The following GALNT10 variants were observed in gnomAD, a reference collection of about 807,000 sequenced individuals.
GALNT10 encodes GalNAc transferase 10.
GALNT10 carries 41 observed loss-of-function variants against 75.0 expected under a neutral mutation model. The observed-to-expected ratio is 0.55, with a 90% CI of 0.43 to 0.71. GALNT10 has a LOEUF of 0.71. GALNT10 is among the 30% of genes least tolerant of loss of function. The pLI is 0.00. For missense variants in GALNT10, 727 were observed against 818.5 expected, an observed-to-expected ratio of 0.89 and a Z score of 1.36; for synonymous variants, 302 against 313.0, an observed-to-expected ratio of 0.96 and a Z score of 0.37.
intron 1 of GALNT10, among the ~76,000 whole-genome samples, chr5:154,204,648 T>C (rs1222114766): frequency 6.6e-6 from 1 of 152,174 alleles, no homozygotes; most frequent in Non-Finnish European, 1.5e-5. Context: ...GTCCTGCCTG[T>C]AATACTCTTC....
At chr5:154,350,943 G>C (rs1755196880) in intron 4 of GALNT10, among the ~76,000 whole-genome samples, 1 of 152,204 alleles carries the variant, frequency 6.6e-6, no homozygotes, top group Admixed American at 6.5e-5. Flanking sequence ...CCCACTTGTA[G>C]TTTCTGATTC....
Position 154,340,892 on chromosome 5 carries a change from T to C in GALNT10, c.568+11154T>C, listed in dbSNP as rs188671129. Reference sequence around the variant, plus strand: ...AGGCGACAGTTGACAACTCTAAAGATCAAGAAGGCCAAATATACACATTTA... The same window carrying C: ...AGGCGACAGTTGACAACTCTAAAGACCAAGAAGGCCAAATATACACATTTA... On this transcript the variant is annotated intron_variant, in intron 4 of 11. Coordinates refer to ENST00000297107, the MANE Select transcript of GALNT10 (RefSeq NM_198321.4). Among the ~76,000 whole-genome samples the C allele has an allele frequency of 6.6e-5, 10 of 152,348 alleles. No individual in the cohort carries two copies. In the East Asian group the frequency reaches 1.9e-3, roughly 29 times the overall value.
At chr5:154,378,765 G>A (rs1404347716) in intron 5 of GALNT10, among the ~76,000 whole-genome samples, 1 of 152,192 alleles carries the variant, frequency 6.6e-6, no homozygotes, top group Admixed American at 6.5e-5. Flanking sequence ...CCCCAGGTGG[G>A]CACAGTGCCT....
At chr5:154,214,556 A>T (rs1369478745) in intron 1 of GALNT10, among the ~76,000 whole-genome samples, 4 of 151,418 alleles carry the variant, frequency 2.6e-5, no homozygotes, top group African/African-American at 7.3e-5. Flanking sequence ...AAAGGGACTA[A>T]TTTTTTTCTT....
At chr5:154,399,257 C>T (rs1339322084) in intron 7 of GALNT10, among the ~76,000 whole-genome samples, 2 of 152,156 alleles carry the variant, frequency 1.3e-5, no homozygotes, top group African/African-American at 4.8e-5. Context: ...GGACAAGTGA[C>T]CTGGGCCATG....
chr5:154,254,488 G>GT (rs1233491650), intron 1 of GALNT10, among the ~76,000 whole-genome samples: 1 of 148,498 alleles, frequency 6.7e-6, no homozygotes, highest in African/African-American at 2.5e-5. Context: ...CCACAGAGGT[G>GT]TTTCTTTTCT....
At chr5:154,289,600 C>G (rs1404773805) in intron 1 of GALNT10, among the ~76,000 whole-genome samples, 1 of 152,226 alleles carries the variant, frequency 6.6e-6, no homozygotes, top group Non-Finnish European at 1.5e-5. Context: ...ACTCTGTTAG[C>G]CTCAGATTTC....
At chr5:154,386,578 C>T (rs950284334) in intron 7 of GALNT10, 148 bp downstream of exon 7, 7 of 453,262 alleles carry the variant, frequency 1.5e-5, no homozygotes, top group Admixed American at 3.6e-5. Flanking sequence ...AAGACAGGGG[C>T]TCATGGGCCA....
At chr5:154,220,688 A>C (rs1051369577) in intron 1 of GALNT10, among the ~76,000 whole-genome samples, 7 of 152,192 alleles carry the variant, frequency 4.6e-5, no homozygotes, top group African/African-American at 1.7e-4. Context: ...ACAGCAAGAG[A>C]AATGTTCAAA....
At chr5:154,201,294 T>C (rs1775024725) in intron 1 of GALNT10, among the ~76,000 whole-genome samples, 1 of 152,116 alleles carries the variant, frequency 6.6e-6, no homozygotes, top group South Asian at 2.1e-4. Flanking sequence ...CGGTCCCCAC[T>C]TCACAGATGC....
intron 4 of GALNT10, among the ~76,000 whole-genome samples, chr5:154,375,128 CCAT>C (rs1334717650): frequency 2.5e-4 from 38 of 152,164 alleles, no homozygotes; most frequent in Admixed American, 2.4e-3. Context: ...AAGAAGGAAA[CCAT>C]CATGTTTCCA....
At position 154,194,725 on chromosome 5, in the gene GALNT10, TC is replaced by T. The variant is rs140846114; in HGVS notation, c.159+3704del. Among the ~76,000 whole-genome samples the T allele has an allele frequency of 5.6e-3, 848 of 152,298 alleles. 25 individuals carry two copies. In the East Asian group the frequency reaches 0.077, roughly 14 times the overall value. On this transcript the variant is annotated intron_variant, in intron 1 of 11. Coordinates refer to ENST00000297107, the MANE Select transcript of GALNT10 (RefSeq NM_198321.4). Reference sequence around the variant, plus strand: ...GGCAAATGCATATTGTAACGATGCTTCCCCTCCCATGGCCAGGGCAGACATT... The same window carrying T: ...GGCAAATGCATATTGTAACGATGCTTCCCTCCCATGGCCAGGGCAGACATT...
chr5:154,285,736 GGCTACAAGAGAGCTTTCCAAAT>G (rs1287254919), intron 1 of GALNT10, among the ~76,000 whole-genome samples: 1 of 151,958 alleles, frequency 6.6e-6, no homozygotes, highest in Admixed American at 6.6e-5. Flanking sequence ...TTTTCCACTT[GGCTACAAGAGAGCTTTCCAAAT>G]GCAACCTGAT....
Position 154,376,821 on chromosome 5 carries a change from A to G in GALNT10, c.754+359A>G, listed in dbSNP as rs988873200. On this transcript the variant is annotated intron_variant, in intron 5 of 11. Transcript: ENST00000297107. This position sits in a 1 kb window ranked among gnomAD's most constrained non-coding sequence, Gnocchi z 4.1. ...TAGCCAAACTGTGGGGGACATCATC[A>G]TATCAACTTAGAAGAGTTACCATAG... Among the ~76,000 whole-genome samples the G allele has an allele frequency of 6.6e-6, 1 of 152,206 alleles. No homozygotes were observed. The highest frequency in any genetic ancestry group is 2.4e-5 in the African/African-American group (1 of 41,448).
At chr5:154,296,019 A>G (rs1442034394) in intron 2 of GALNT10, among the ~76,000 whole-genome samples, 1 of 152,170 alleles carries the variant, frequency 6.6e-6, no homozygotes, top group Non-Finnish European at 1.5e-5. Flanking sequence ...AACTGATGAT[A>G]AGAGAAATCT....
intron 1 of GALNT10, among the ~76,000 whole-genome samples, chr5:154,210,754 T>G (rs1388619091): frequency 2.6e-5 from 4 of 152,152 alleles, no homozygotes; most frequent in Non-Finnish European, 5.9e-5. Context: ...AAAAATAAAT[T>G]AGACATAAAG....
chr5:154,412,494 G>A lies in GALNT10; in HGVS notation c.1387-395G>A, dbSNP rs564592180. 1.9e-4 allele frequency: 42 copies of A among 222,596 alleles called. No homozygotes were observed. The highest frequency in any genetic ancestry group is 1.7e-3 in the Middle Eastern group (1 of 594). The allele number at this position is 222,596 out of a possible 1,614,324, so 13.8% of individuals were successfully genotyped here. On this transcript the variant is annotated intron_variant, in intron 9 of 11. Coordinates refer to ENST00000297107, the MANE Select transcript of GALNT10 (RefSeq NM_198321.4). This position sits in a 1 kb window ranked among gnomAD's most constrained non-coding sequence, Gnocchi z 4.2. ...AAAGGTTTCATGTCCTTTTCTAGGCGCTTTCAAGGTATGGTCCCTGGACCA... is the reference window on the plus strand; with the variant it reads ...AAAGGTTTCATGTCCTTTTCTAGGCACTTTCAAGGTATGGTCCCTGGACCA...
intron 1 of GALNT10, among the ~76,000 whole-genome samples, chr5:154,230,857 A>T (rs1753139534): frequency 6.6e-6 from 1 of 152,248 alleles, no homozygotes; most frequent in Admixed American, 6.5e-5. Flanking sequence ...TCTGGAATCC[A>T]GGCCAGTCCT....
intron 1 of GALNT10, among the ~76,000 whole-genome samples, chr5:154,271,957 C>A (rs1298424825): frequency 6.6e-6 from 1 of 152,240 alleles, no homozygotes. Flanking sequence ...GCTATTTTCT[C>A]AGGTCTCATG....
Sources: gnomAD v4.1 joint callset for allele counts (sites outside exome capture counted in the v4.1 genomes callset) on GRCh38, gnomAD v4.1.1 for gene constraint, Gnocchi (gnomAD v3.1) non-coding constraint, MANE v1.5 for transcripts, NCBI Gene and HGNC (gene_info 2026-07-23, HGNC 2026-07-21) for gene names.